PLEKHM1: variants seen among roughly 807,000 people sequenced by gnomAD.
PLEKHM1 encodes the protein pleckstrin homology and RUN domain containing M1.
PLEKHM1 carries 28 observed loss-of-function variants against 94.3 expected under a neutral mutation model. That is an observed-to-expected ratio of 0.30 (90% CI 0.22 to 0.41). The LOEUF (loss-of-function observed/expected upper bound fraction) is 0.41, where lower values mean the gene tolerates loss of function less well. Among genes scored for constraint, PLEKHM1 ranks in the 10% least tolerant of loss-of-function variants. The pLI is 1.00. For missense variants in PLEKHM1, 907 were observed against 1,358.6 expected (o/e 0.67, Z 5.22); for synonymous variants, 424 against 581.2 (o/e 0.73, Z 3.89).
intron 11 of PLEKHM1, among the ~76,000 whole-genome samples, chr17:45,439,115 C>T (rs570910286): frequency 6.6e-6 from 1 of 152,344 alleles, no homozygotes; most frequent in South Asian, 2.1e-4. Context: ...TGCCTGGTCT[C>T]ATGCCAACAG....
At chr17:45,435,164 A>C (rs1248686642), downstream of PLEKHM1, among the ~76,000 whole-genome samples, 1 of 152,080 alleles carries the variant, frequency 6.6e-6, no homozygotes, top group Non-Finnish European at 1.5e-5. Context: ...AGGGAGGTGA[A>C]GCCCTTGGGG....
At position 45,437,158 on chromosome 17, in the gene PLEKHM1, G is replaced by A. The variant is rs565066690; in HGVS notation, c.*700C>T. 33 of 453,198 alleles carry A rather than the reference G, an allele frequency of 7.3e-5. No individual in the cohort carries two copies. The highest frequency in any genetic ancestry group is 1.4e-4 in the Non-Finnish European group (32 of 225,912). The allele number at this position is 453,198 out of a possible 1,614,324, so 28.1% of individuals were successfully genotyped here. On this transcript the variant is annotated 3_prime_UTR_variant, in exon 12 of 12. Transcript: ENST00000430334. This position sits in a 1 kb window ranked among gnomAD's most constrained non-coding sequence, Gnocchi z 4.0. ...GGGGCTCTGACGCTGAGAAAGCGGT[G>A]GGCTCAGCAGGCGAGACGCACTGGG...
At chr17:45,489,045 T>C (rs1026033702) in intron 1 of PLEKHM1, among the ~76,000 whole-genome samples, 20 of 152,318 alleles carry the variant, frequency 1.3e-4, no homozygotes, top group Non-Finnish European at 2.6e-4. Context: ...CCCAGGAAAC[T>C]ATAAATGCTG....
chr17:45,474,617 A>G (rs2051647706), intron 4 of PLEKHM1, among the ~76,000 whole-genome samples: 1 of 152,230 alleles, frequency 6.6e-6, no homozygotes, highest in South Asian at 2.1e-4. Context: ...GAAGACAACA[A>G]TATTTTACAC....
rs896559800 is a variant in PLEKHM1 at position 45,485,070 on chromosome 17, C to T, written c.-41-2545G>A. 5.6e-4 allele frequency among the ~76,000 whole-genome samples: 85 copies of T among 151,608 alleles called. 1 individual carries two copies. The highest frequency in any genetic ancestry group is 2.0e-3 in the African/African-American group (84 of 41,316). On this transcript the variant is annotated intron_variant, in intron 1 of 11. Coordinates refer to ENST00000430334, the MANE Select transcript of PLEKHM1 (RefSeq NM_014798.3). The stretch of plus-strand genomic sequence containing the variant: ...GGTGCTGCAGATGGCCAGAAGAGCC[C>T]TCAGTCCTGACTACAGCCCCATCTG...
At chr17:45,439,370 T>A in intron 11 of PLEKHM1, 107 bp downstream of exon 11, 1 of 1,283,990 alleles carries the variant, frequency 7.8e-7, no homozygotes, top group Non-Finnish European at 1.1e-6. Flanking sequence ...GGATGTTCAA[T>A]AAGTTCCTGC....
chr17:45,447,710 C>T (rs540314304), intron 8 of PLEKHM1, among the ~76,000 whole-genome samples: 9 of 152,346 alleles, frequency 5.9e-5, no homozygotes, highest in East Asian at 1.9e-4. Context: ...CTTGAGTTTC[C>T]CTGTCTTTCC....
intron 5 of PLEKHM1, among the ~76,000 whole-genome samples, chr17:45,466,885 T>C (rs1274469863): frequency 6.6e-6 from 1 of 152,142 alleles, no homozygotes; most frequent in Non-Finnish European, 1.5e-5. Context: ...TTCCCAGGTA[T>C]ATATACCCAC....
chr17:45,455,530 A>T (rs2033823846), intron 6 of PLEKHM1, among the ~76,000 whole-genome samples: 2 of 152,098 alleles, frequency 1.3e-5, no homozygotes, highest in Non-Finnish European at 1.5e-5. Flanking sequence ...GTCCAGGATG[A>T]ATTCCTGCTG....
At chr17:45,462,653 A>C (rs1419750808) in intron 5 of PLEKHM1, among the ~76,000 whole-genome samples, 1 of 152,166 alleles carries the variant, frequency 6.6e-6, no homozygotes, top group Non-Finnish European at 1.5e-5. Flanking sequence ...GGTTTTCTTG[A>C]TATCTCCAGC....
chr17:45,468,735 C>T (rs1338447637), intron 4 of PLEKHM1, 142 bp from the exon 5 acceptor site: 4 of 852,344 alleles, frequency 4.7e-6, no homozygotes, highest in East Asian at 2.5e-5. Flanking sequence ...CTGCACTCCC[C>T]CTCACGCAGT....
At chr17:45,458,553 C>T in intron 5 of PLEKHM1, 114 bp from the exon 6 acceptor site, 1 of 1,009,370 alleles carries the variant, frequency 9.9e-7, no homozygotes. Flanking sequence ...TCACTGCAAC[C>T]TCTGACTCCT....
At chr17:45,456,208 T>C (rs2050942119) in intron 6 of PLEKHM1, 1 of 152,222 alleles carries the variant, frequency 6.6e-6, no homozygotes, top group East Asian at 1.9e-4. Flanking sequence ...CCATAGCACT[T>C]ATGACCACCT....
rs1436378956 is a variant in PLEKHM1 at position 45,437,221 on chromosome 17, C to T, written c.*637G>A. 2 of 452,830 alleles carry T rather than the reference C, an allele frequency of 4.4e-6. No individual in the cohort carries two copies. The highest frequency in any genetic ancestry group is 4.0e-5 in the African/African-American group (2 of 49,990). The allele number at this position is 452,830 out of a possible 1,614,324, so 28.1% of individuals were successfully genotyped here. A position where few individuals can be genotyped will look rare whatever the true frequency, so the allele number is the denominator to read the frequency against. Reference sequence around the variant, plus strand: ...GAGGACACAGAGGAACCGGGGTCGCCAGGACTGGCCCTGCCCTGCTGAGGG... The same window carrying T: ...GAGGACACAGAGGAACCGGGGTCGCTAGGACTGGCCCTGCCCTGCTGAGGG... On this transcript the variant is annotated 3_prime_UTR_variant, in exon 12 of 12. Coordinates refer to ENST00000430334, the MANE Select transcript of PLEKHM1 (RefSeq NM_014798.3). The surrounding 1 kb of genome is among the most constrained non-coding windows in gnomAD (Gnocchi z 4.0).
intron 5 of PLEKHM1, chr17:45,464,026 G>A (rs998043342): frequency 7.9e-5 from 12 of 152,144 alleles, no homozygotes; most frequent in Non-Finnish European, 1.6e-4. Context: ...AACTGTGGAA[G>A]GGGAACCACA....
In PLEKHM1 at chr17:45,453,397, G is replaced by C; in HGVS notation, c.2455C>G (p.Pro819Ala). 1 of 1,613,886 alleles carries C rather than the reference G, an allele frequency of 6.2e-7. No individual in the cohort carries two copies. Among genetic ancestry groups the C allele is most frequent in the Non-Finnish European group, 8.5e-7 (1 of 1,179,824 alleles). Residue 819 changes from proline (P) to alanine (A), a missense_variant, in exon 7 of 12, where the codon CCC becomes GCC. By Grantham distance (27) the Pro-to-Ala change is conservative. Transcript: ENST00000430334. This position sits in a 1 kb window ranked among gnomAD's most constrained non-coding sequence, Gnocchi z 4.1. ...GFLLQYLVAIPMEKGLDSQGC... is the reference protein window; with the variant it reads ...GFLLQYLVAIAMEKGLDSQGC... ...TGGGAGTCAAGGCCTTTCTCCATGG[G>C]GATAGCCACCAGGTACTGCAGCAGG...
chr17:45,473,525 G>A (rs2145308109), intron 4 of PLEKHM1, among the ~76,000 whole-genome samples: 1 of 151,756 alleles, frequency 6.6e-6, no homozygotes, highest in Non-Finnish European at 1.5e-5. Flanking sequence ...TTGTAGGAGA[G>A]AAAGTAATAA....
chr17:45,452,045 A>G (rs2050788627), intron 7 of PLEKHM1, among the ~76,000 whole-genome samples: 1 of 152,176 alleles, frequency 6.6e-6, no homozygotes, highest in Non-Finnish European at 1.5e-5. Context: ...CCAACAGGAC[A>G]GCTCCCAAAC....
chr17:45,475,025 G>A, intron 4 of PLEKHM1, 75 bp downstream of exon 4: 1 of 1,494,882 alleles, frequency 6.7e-7, no homozygotes, highest in Middle Eastern at 1.7e-4. Flanking sequence ...CACATGCTAT[G>A]GGAAGAAAGG....
Sources: gnomAD v4.1 joint callset for allele counts (sites outside exome capture counted in the v4.1 genomes callset) on GRCh38, gnomAD v4.1.1 for gene constraint, Gnocchi (gnomAD v3.1) non-coding constraint, MANE v1.5 for transcripts, NCBI Gene and HGNC (gene_info 2026-07-23, HGNC 2026-07-21) for gene names.